FUT9: variants seen among roughly 807,000 people sequenced by gnomAD.
FUT9 encodes fucosyltransferase 9.
A neutral mutation model predicts 29.7 loss-of-function variants in FUT9; 15 were observed. The ratio of observed to expected loss-of-function variants is 0.51; its 90% CI spans 0.34 to 0.78. The LOEUF is 0.78. Among genes scored for constraint, FUT9 ranks in the 30% least tolerant of loss-of-function variants. The pLI is 0.01. For missense variants in FUT9, 319 were observed against 425.4 expected (o/e 0.75, Z 2.20); for synonymous variants, 169 against 153.7 (o/e 1.10, Z -0.74).
intron 1 of FUT9, among the ~76,000 whole-genome samples, chr6:96,083,950 G>A (rs1237987027): frequency 2.0e-5 from 3 of 151,966 alleles, no homozygotes; most frequent in African/African-American, 4.8e-5. Context: ...CATAGAAAAG[G>A]TGAACATTAA....
At chr6:96,035,726 TATAAC>T (rs1770344306) in intron 1 of FUT9, among the ~76,000 whole-genome samples, 3 of 137,198 alleles carry the variant, frequency 2.2e-5, no homozygotes, top group South Asian at 2.1e-4. Context: ...TACTAATAAA[TATAAC>T]ATATTTATTA....
chr6:96,164,720 T>C (rs747331804), intron 2 of FUT9, among the ~76,000 whole-genome samples: 7 of 152,202 alleles, frequency 4.6e-5, no homozygotes, highest in Non-Finnish European at 8.8e-5. Flanking sequence ...CTCATTCCCA[T>C]CATGGCCTGA....
intron 1 of FUT9, among the ~76,000 whole-genome samples, chr6:96,086,421 CTT>C (rs1274397678): frequency 6.6e-6 from 1 of 152,162 alleles, no homozygotes; most frequent in East Asian, 1.9e-4. Flanking sequence ...TATTCATTAA[CTT>C]TGTCTTTTAC....
Position 96,204,151 on chromosome 6 carries a change from A to C in FUT9, c.996A>C (p.Ser332=). The change falls in exon 3 of 3, where the codon TCA becomes TCC. Residue 332 remains serine, a synonymous_variant. Coordinates refer to ENST00000302103, the MANE Select transcript of FUT9 (RefSeq NM_006581.4). ...TAAATCTTCCACGATTTTGGGAATC[A>C]CATGCATGTTTGGCTTGCGATCATG... The part of the protein sequence containing the change: ...FTVNLPRFWE[S]HACLACDHVK... 1 of 1,497,780 alleles carries C rather than the reference A, an allele frequency of 6.7e-7. No homozygotes were observed. The highest frequency in any genetic ancestry group is 1.4e-5 in the African/African-American group (1 of 71,584). 92.8% of individuals were successfully genotyped at this position (1,497,780 alleles called of 1,614,324 possible). A position where few individuals can be genotyped will look rare whatever the true frequency, so the allele number is the denominator to read the frequency against.
At chr6:96,020,296 A>G (rs368663519) in intron 1 of FUT9, among the ~76,000 whole-genome samples, 7 of 152,178 alleles carry the variant, frequency 4.6e-5, no homozygotes, top group African/African-American at 1.4e-4. Flanking sequence ...TTGACTGAAA[A>G]ATATTCCTAA....
chr6:96,148,483 A>C lies in FUT9; in HGVS notation c.-9+34356A>C, dbSNP rs1048228999. Among the ~76,000 whole-genome samples the C allele has an allele frequency of 2.0e-5, 3 of 152,216 alleles. No homozygotes were observed. In the East Asian group the frequency reaches 5.8e-4, roughly 29 times the overall value. On this transcript the variant is annotated intron_variant, in intron 2 of 2. Coordinates refer to ENST00000302103, the MANE Select transcript of FUT9 (RefSeq NM_006581.4). ...TCAAATTTACAGTTTCGCTTTCAGTAAAAATTACATGGTATAATCAGTCGA... is the reference window on the plus strand; with the variant it reads ...TCAAATTTACAGTTTCGCTTTCAGTCAAAATTACATGGTATAATCAGTCGA...
chr6:96,067,345 G>C (rs1770979524), intron 1 of FUT9, among the ~76,000 whole-genome samples: 2 of 151,906 alleles, frequency 1.3e-5, no homozygotes, highest in South Asian at 4.1e-4. Flanking sequence ...TACAACTTTA[G>C]AATATAAAAG....
At chr6:96,144,111 G>A (rs2127974200) in intron 2 of FUT9, among the ~76,000 whole-genome samples, 1 of 152,230 alleles carries the variant, frequency 6.6e-6, no homozygotes, top group South Asian at 2.1e-4. Flanking sequence ...TCGACATGGA[G>A]GCTTCAGCTG....
chr6:96,052,962 G>T lies in FUT9; in HGVS notation c.-98+36750G>T, dbSNP rs950882166. The stretch of plus-strand genomic sequence containing the variant: ...AATAATATTGTGTCTTCACCTTACT[G>T]TTTTTTTTTGTCTTCATTCAATCAC... On this transcript the variant is annotated intron_variant, in intron 1 of 2. Transcript: ENST00000302103. Among the ~76,000 whole-genome samples the T allele has an allele frequency of 1.0e-4, 15 of 150,032 alleles. No individual in the cohort carries two copies. In the East Asian group the frequency reaches 2.9e-3, roughly 29 times the overall value.
chr6:96,182,031 T>A, intron 2 of FUT9, among the ~76,000 whole-genome samples: 1 of 152,150 alleles, frequency 6.6e-6, no homozygotes, highest in East Asian at 1.9e-4. Flanking sequence ...TGTACTAGTT[T>A]ACATTCCCAC....
chr6:96,038,488 G>A (rs1465169001), intron 1 of FUT9, among the ~76,000 whole-genome samples: 1 of 152,026 alleles, frequency 6.6e-6, no homozygotes, highest in Non-Finnish European at 1.5e-5. Context: ...GAAAATATAG[G>A]GTAACTTCCT....
chr6:96,151,809 T>C (rs897764087), intron 2 of FUT9, among the ~76,000 whole-genome samples: 2 of 152,212 alleles, frequency 1.3e-5, no homozygotes, highest in African/African-American at 4.8e-5. Context: ...AAAGGAGTTA[T>C]ATAATCAAGA....
chr6:96,157,501 T>C (rs762881852), intron 2 of FUT9, among the ~76,000 whole-genome samples: 3 of 152,040 alleles, frequency 2.0e-5, no homozygotes, highest in African/African-American at 7.2e-5. Context: ...GATTTGGGAG[T>C]GTTTATTTTA....
At chr6:96,159,478 T>C (rs553192320) in intron 2 of FUT9, among the ~76,000 whole-genome samples, 1 of 152,128 alleles carries the variant, frequency 6.6e-6, no homozygotes. Flanking sequence ...CAAGACCAAA[T>C]GTATTGGTAG....
At chr6:96,188,735 T>G (rs1773450618) in intron 2 of FUT9, among the ~76,000 whole-genome samples, 1 of 149,384 alleles carries the variant, frequency 6.7e-6, no homozygotes, top group Admixed American at 6.7e-5. Flanking sequence ...ATTTGTTAAA[T>G]GAACAGTAAG....
intron 1 of FUT9, among the ~76,000 whole-genome samples, chr6:96,068,107 A>G (rs991498861): frequency 6.6e-6 from 1 of 152,160 alleles, no homozygotes; most frequent in African/African-American, 2.4e-5. Context: ...CCAACTTTGG[A>G]TTAATCATTT....
intron 2 of FUT9, among the ~76,000 whole-genome samples, chr6:96,126,956 G>A (rs1435497149): frequency 1.3e-5 from 2 of 152,074 alleles, no homozygotes; most frequent in Non-Finnish European, 2.9e-5. Flanking sequence ...AATAATTCAT[G>A]GAAAACTATT....
At chr6:96,029,993 G>T (rs566371365) in intron 1 of FUT9, among the ~76,000 whole-genome samples, 1 of 151,616 alleles carries the variant, frequency 6.6e-6, no homozygotes, top group Non-Finnish European at 1.5e-5. Flanking sequence ...AATCCAAGAA[G>T]CGAAATTGAT....
intron 2 of FUT9, among the ~76,000 whole-genome samples, chr6:96,165,295 A>G (rs563305684): frequency 4.9e-4 from 74 of 151,572 alleles, no homozygotes; most frequent in African/African-American, 1.7e-3. Context: ...GCCGGTCGTG[A>G]TGGTGGGCAC....
Sources: allele counts gnomAD v4.1 joint callset (sites outside exome capture counted in the v4.1 genomes callset), GRCh38; gene constraint gnomAD v4.1.1; transcripts MANE v1.5; gene names NCBI Gene and HGNC (gene_info 2026-07-23, HGNC 2026-07-21).